Variants in MAF observed in about 807,000 individuals in gnomAD.
The protein encoded by MAF is transcription factor Maf.
A neutral mutation model predicts 22.0 loss-of-function variants in MAF; 10 were observed. That is an observed-to-expected ratio of 0.45 (90% CI 0.28 to 0.77). The LOEUF (loss-of-function observed/expected upper bound fraction) is 0.77. MAF is among the 30% of genes least tolerant of loss of function. The pLI is 0.12. For missense variants in MAF, 544 were observed against 548.4 expected (o/e 0.99, Z 0.08); for synonymous variants, 337 against 255.8 (o/e 1.32, Z -3.03).
chr16:79,355,671 T>C, the MAF span, among the ~76,000 whole-genome samples: 2 of 152,158 alleles, frequency 1.3e-5, no homozygotes, highest in African/African-American at 4.8e-5. Flanking sequence ...TAAAGTTGTT[T>C]CTAGTACTCA....
chr16:79,232,212 T>C, the MAF span, among the ~76,000 whole-genome samples: 3 of 152,052 alleles, frequency 2.0e-5, no homozygotes, highest in Non-Finnish European at 2.9e-5. Flanking sequence ...ATCCCTGATA[T>C]AGACAATATA....
the MAF span, among the ~76,000 whole-genome samples, chr16:79,462,498 G>T: frequency 2.0e-5 from 3 of 152,110 alleles, no homozygotes; most frequent in African/African-American, 7.2e-5. Flanking sequence ...CTCCTCATCT[G>T]GTCTCTGATT....
the MAF span, among the ~76,000 whole-genome samples, chr16:79,461,627 G>A: frequency 6.6e-6 from 1 of 152,198 alleles, no homozygotes; most frequent in South Asian, 2.1e-4. Context: ...GTGCCTGGGA[G>A]AAGAACTAGT....
chr16:79,349,495 A>G, the MAF span, among the ~76,000 whole-genome samples: 1 of 152,212 alleles, frequency 6.6e-6, no homozygotes. Flanking sequence ...AATTTCAAAA[A>G]CAACTACCTT....
chr16:79,309,007 G>C, the MAF span, among the ~76,000 whole-genome samples: 1 of 152,184 alleles, frequency 6.6e-6, no homozygotes, highest in Non-Finnish European at 1.5e-5. Context: ...ACAGTAGCTG[G>C]AAATATTTAA....
At chr16:79,573,676 A>G in the MAF span, among the ~76,000 whole-genome samples, 4 of 152,358 alleles carry the variant, frequency 2.6e-5, no homozygotes, top group South Asian at 2.1e-4. Flanking sequence ...TTAAAGCTTA[A>G]TAACTTTGAC....
chr16:79,305,101 C>G, the MAF span, among the ~76,000 whole-genome samples: 1 of 152,214 alleles, frequency 6.6e-6, no homozygotes, highest in African/African-American at 2.4e-5. Context: ...TCCATTTCGG[C>G]TTGTATTAGA....
the MAF span, among the ~76,000 whole-genome samples, chr16:79,561,224 T>C: frequency 6.6e-6 from 1 of 152,040 alleles, no homozygotes; most frequent in Non-Finnish European, 1.5e-5. Context: ...TTCATCTGCC[T>C]ATTGCTGGTG....
the MAF span, among the ~76,000 whole-genome samples, chr16:79,502,689 AAATATAAAT>A: frequency 3.6e-4 from 6 of 16,834 alleles, no homozygotes; most frequent in African/African-American, 1.1e-3. Flanking sequence ...ATATAAATAT[AAATATAAAT>A]ATAAATATAA....
intron 1 of MAF, chr16:79,598,580 G>GT (rs1567565892): frequency 2.5e-5 from 35 of 1,399,472 alleles, no homozygotes; most frequent in East Asian, 1.4e-4. Context: ...GCAGGGTGTG[G>GT]GGTGTGTGTG....
the MAF span, among the ~76,000 whole-genome samples, chr16:79,524,148 T>C: frequency 6.6e-6 from 1 of 152,198 alleles, no homozygotes; most frequent in Admixed American, 6.5e-5. Flanking sequence ...TGGTTGCTTT[T>C]CCTCTTTGAT....
At chr16:79,458,738 T>TA in the MAF span, among the ~76,000 whole-genome samples, 1 of 152,194 alleles carries the variant, frequency 6.6e-6, no homozygotes, top group Non-Finnish European at 1.5e-5. Flanking sequence ...GTGTGTTGGC[T>TA]AAAAAATGTA....
the MAF span, among the ~76,000 whole-genome samples, chr16:79,255,955 C>G: frequency 8.5e-6 from 1 of 117,822 alleles, no homozygotes; most frequent in Non-Finnish European, 2.0e-5. Context: ...TTTATCTTTT[C>G]TTTTCTTTTC....
downstream of MAF, among the ~76,000 whole-genome samples, chr16:79,591,484 T>A (rs1002185267): frequency 6.6e-6 from 1 of 152,188 alleles, no homozygotes; most frequent in Non-Finnish European, 1.5e-5. Flanking sequence ...TAGGGAAAAC[T>A]GTTATTTAGT....
chr16:79,298,851 C>A, the MAF span, among the ~76,000 whole-genome samples: 1 of 152,228 alleles, frequency 6.6e-6, no homozygotes, highest in South Asian at 2.1e-4. Context: ...GGCAGGGGAG[C>A]AAATGGAAAC....
At chr16:79,578,232 G>A in the MAF span, among the ~76,000 whole-genome samples, 1 of 152,074 alleles carries the variant, frequency 6.6e-6, no homozygotes, top group African/African-American at 2.4e-5. Context: ...CACTGTATTT[G>A]TAATTTACAG....
the MAF span, among the ~76,000 whole-genome samples, chr16:79,398,869 T>C: frequency 9.5e-4 from 145 of 152,292 alleles, 3 homozygotes; most frequent in African/African-American, 3.2e-3. Flanking sequence ...CTCTGCCCCA[T>C]TGCAGGCTTG....
At chr16:79,547,881 C>T in the MAF span, among the ~76,000 whole-genome samples, 91 of 142,762 alleles carry the variant, frequency 6.4e-4, no homozygotes, top group African/African-American at 2.0e-3. Context: ...TGTGTGTGTG[C>T]GTGTGTGTGT....
chr16:79,309,520 T>C, the MAF span, among the ~76,000 whole-genome samples: 1 of 152,220 alleles, frequency 6.6e-6, no homozygotes, highest in Admixed American at 6.5e-5. Flanking sequence ...TTTTGGTGCA[T>C]TGCCTTGCAT....
Sources: gnomAD v4.1 joint callset for allele counts (sites outside exome capture counted in the v4.1 genomes callset) on GRCh38, gnomAD v4.1.1 for gene constraint, MANE v1.5 for transcripts, NCBI Gene and HGNC (gene_info 2026-07-23, HGNC 2026-07-21) for gene names.